Variants in SMAD6 observed in about 807,000 individuals in gnomAD.
The protein encoded by SMAD6 is SMAD family member 6, also known as MAD homolog 6.
A neutral mutation model predicts 39.4 loss-of-function variants in SMAD6; 103 were observed. The observed-to-expected ratio is 2.62, with a 90% CI of 2.23 to 3.08. The LOEUF (loss-of-function observed/expected upper bound fraction) is 3.08. SMAD6 is among the 30% of genes most tolerant of loss of function. The pLI is 0.00. For synonymous variants in SMAD6, 445 were observed against 353.3 expected (o/e 1.26, Z -2.91); for missense variants, 1,104 against 742.9 (o/e 1.49, Z -5.65).
chr15:66,740,872 TA>T (rs1341736014), intron 3 of SMAD6: 1 of 152,238 alleles, frequency 6.6e-6, no homozygotes, highest in Non-Finnish European at 1.5e-5. Flanking sequence ...AGTTCCCACC[TA>T]CACCTCATGA....
intron 3 of SMAD6, among the ~76,000 whole-genome samples, chr15:66,760,670 T>A (rs1894182153): frequency 6.6e-6 from 1 of 152,064 alleles, no homozygotes; most frequent in Non-Finnish European, 1.5e-5. Flanking sequence ...TGATTCCAAA[T>A]CCCACAGGGA....
At chr15:66,714,362 A>G (rs960405719) in intron 2 of SMAD6, among the ~76,000 whole-genome samples, 1 of 151,704 alleles carries the variant, frequency 6.6e-6, no homozygotes, top group African/African-American at 2.4e-5. Flanking sequence ...GCAAGCTACG[A>G]ATGGCCTTTA....
Position 66,736,726 on chromosome 15 carries a change from G to A in SMAD6, c.952+20228G>A, listed in dbSNP as rs537662827. ...TCTGGCACCAGAGCGGAGTGTAGTG[G>A]TGTGATCTTGGCTCACTGCAACCTC... On this transcript the variant is annotated intron_variant, in intron 3 of 3. Transcript: ENST00000288840. 3.4e-3 allele frequency among the ~76,000 whole-genome samples: 522 copies of A among 151,912 alleles called. 3 individuals are homozygous for A. The highest frequency in any genetic ancestry group is 0.012 in the African/African-American group (504 of 41,420).
At chr15:66,719,636 C>T (rs1290814968) in intron 3 of SMAD6, among the ~76,000 whole-genome samples, 1 of 152,210 alleles carries the variant, frequency 6.6e-6, no homozygotes, top group Admixed American at 6.5e-5. Flanking sequence ...CTGTTTTATC[C>T]AGCTCCATGG....
At position 66,781,184 on chromosome 15, in the gene SMAD6, G is replaced by C. The variant is rs1894558973; in HGVS notation, c.1140G>C (p.Val380=). 1 of 1,607,766 alleles carries C rather than the reference G, an allele frequency of 6.2e-7. No individual in the cohort carries two copies. The highest frequency in any genetic ancestry group is 8.5e-7 in the Non-Finnish European group (1 of 1,179,758). ...ACCTGGAGCAGCGCAGCGAGTCGGT[G>C]CGGCGAACGCGCAGCAAGATCGGCT... ...QLNLEQRSES[V]RRTRSKIGFG... is the part of the protein sequence containing the mutation. Residue 380 remains valine (V), a synonymous_variant, in exon 4 of 4, where the codon GTG becomes GTC. Coordinates refer to ENST00000288840, the MANE Select transcript of SMAD6 (RefSeq NM_005585.5).
At chr15:66,749,731 C>G (rs913518040) in intron 3 of SMAD6, among the ~76,000 whole-genome samples, 15 of 152,300 alleles carry the variant, frequency 9.8e-5, no homozygotes, top group African/African-American at 3.6e-4. Flanking sequence ...GAGCTCAATG[C>G]ATGGTGGAAG....
Position 66,711,687 on chromosome 15 carries a change from C to T in SMAD6, c.837C>T (p.Tyr279=). ...TTCCAGAATCTCCGCCACCTCCCTA[C>T]TCTCGGCTGTCTCCTCGCGACGAGT... ...LCGPESPPPP[Y]SRLSPRDEYK... Residue 279 remains tyrosine, a synonymous_variant, in exon 2 of 4, where the codon TAC becomes TAT. Coordinates refer to ENST00000288840, the MANE Select transcript of SMAD6 (RefSeq NM_005585.5). The T allele has an allele frequency of 6.2e-7, 1 of 1,614,008 alleles. No individual in the cohort carries two copies. Among genetic ancestry groups the T allele is most frequent in the African/African-American group, 1.3e-5 (1 of 75,046 alleles).
chr15:66,727,797 A>G (rs113261799), intron 3 of SMAD6, among the ~76,000 whole-genome samples: 8 of 152,248 alleles, frequency 5.3e-5, no homozygotes, highest in Non-Finnish European at 8.8e-5. Flanking sequence ...TTACCAATAC[A>G]TAATACATGC....
At chr15:66,762,518 G>A (rs534301930) in intron 3 of SMAD6, among the ~76,000 whole-genome samples, 10 of 152,154 alleles carry the variant, frequency 6.6e-5, no homozygotes, top group South Asian at 2.1e-4. Context: ...GCAGCCCTCC[G>A]TGGTGGGGTG....
At chr15:66,737,981 A>G (rs1319977380) in intron 3 of SMAD6, among the ~76,000 whole-genome samples, 1 of 152,134 alleles carries the variant, frequency 6.6e-6, no homozygotes, top group African/African-American at 2.4e-5. Flanking sequence ...GGTAATAATA[A>G]AAAGGCTGAT....
intron 3 of SMAD6, among the ~76,000 whole-genome samples, chr15:66,724,674 AGCTTCTGGG>A (rs1893490967): frequency 6.6e-6 from 1 of 152,150 alleles, no homozygotes; most frequent in Admixed American, 6.6e-5. Context: ...ATGATTCTTG[AGCTTCTGGG>A]GCTTCTGTGT....
intron 3 of SMAD6, among the ~76,000 whole-genome samples, chr15:66,762,452 C>T (rs559949889): frequency 6.6e-6 from 1 of 152,284 alleles, no homozygotes; most frequent in South Asian, 2.1e-4. Flanking sequence ...ACTCTTTCCC[C>T]TCAGGGAATT....
At chr15:66,748,181 A>G (rs1039383342) in intron 3 of SMAD6, among the ~76,000 whole-genome samples, 2 of 151,994 alleles carry the variant, frequency 1.3e-5, no homozygotes, top group Admixed American at 1.3e-4. Flanking sequence ...TTGAAAAAAT[A>G]TGTGTGCTTG....
At chr15:66,754,006 C>T (rs531027271) in intron 3 of SMAD6, among the ~76,000 whole-genome samples, 1 of 152,354 alleles carries the variant, frequency 6.6e-6, no homozygotes, top group East Asian at 1.9e-4. Flanking sequence ...ATGGGCTCAT[C>T]TGCCCTGCTT....
intron 3 of SMAD6, among the ~76,000 whole-genome samples, chr15:66,721,623 G>A (rs1893433566): frequency 6.6e-6 from 1 of 152,136 alleles, no homozygotes; most frequent in Non-Finnish European, 1.5e-5. Flanking sequence ...TTGTAAAATG[G>A]GGTTGATAAT....
In SMAD6 at chr15:66,718,807, T is replaced by C. The variant is rs535804001; in HGVS notation, c.952+2309T>C. Among the ~76,000 whole-genome samples the C allele has an allele frequency of 6.6e-5, 10 of 151,770 alleles. No individual in the cohort carries two copies. In the South Asian group the frequency reaches 2.1e-3, roughly 32 times the overall value. On this transcript the variant is annotated intron_variant, in intron 3 of 3. Transcript: ENST00000288840. ...TGGAGGACATATTCAGGGAGGGAAA[T>C]GGCCTAGGGGGTGACAGGTCTTGGT...
intron 3 of SMAD6, among the ~76,000 whole-genome samples, chr15:66,756,909 A>G (rs1464317129): frequency 6.6e-6 from 1 of 152,190 alleles, no homozygotes; most frequent in Non-Finnish European, 1.5e-5. Context: ...CTCCTCCCCT[A>G]CAGGGAGCTT....
At chr15:66,714,019 G>A (rs139517848) in intron 2 of SMAD6, among the ~76,000 whole-genome samples, 3 of 152,264 alleles carry the variant, frequency 2.0e-5, no homozygotes, top group Non-Finnish European at 4.4e-5. Flanking sequence ...TCCTTCCCTC[G>A]GAGGCCTGTC....
intron 3 of SMAD6, among the ~76,000 whole-genome samples, chr15:66,778,938 A>C (rs1455803714): frequency 6.6e-6 from 1 of 152,200 alleles, no homozygotes; most frequent in Non-Finnish European, 1.5e-5. Flanking sequence ...GCTTCTTTGC[A>C]TCCCCACCTT....
Sources: allele counts gnomAD v4.1 joint callset (sites outside exome capture counted in the v4.1 genomes callset), GRCh38; gene constraint gnomAD v4.1.1; transcripts MANE v1.5; gene names NCBI Gene and HGNC (gene_info 2026-07-23, HGNC 2026-07-21).